Variants in ADCY10 observed in about 807,000 individuals in gnomAD.
ADCY10 encodes the protein adenylate cyclase 10.
In ADCY10, 156 loss-of-function variants were observed where a neutral mutation model predicts 183.3. The ratio of observed to expected loss-of-function variants is 0.85; its 90% confidence interval spans 0.75 to 0.97. ADCY10 has a LOEUF of 0.97. Among genes scored for constraint, ADCY10 ranks in the 50% least tolerant of loss-of-function variants. The pLI, the probability that ADCY10 is intolerant of heterozygous loss-of-function variation, is 0.00. For missense variants in ADCY10, 1,745 were observed against 1,934.3 expected, an observed-to-expected ratio of 0.90 and a Z score of 1.84; for synonymous variants, 645 against 670.0, an observed-to-expected ratio of 0.96 and a Z score of 0.58.
At chr1:167,827,038 C>G (rs1324807420) in intron 26 of ADCY10, among the ~76,000 whole-genome samples, 2 of 152,160 alleles carry the variant, frequency 1.3e-5, no homozygotes, top group African/African-American at 4.8e-5. Flanking sequence ...CCAAAAGGAA[C>G]TAATGTAGAG....
At chr1:167,906,220 G>A (rs934019059) in intron 1 of ADCY10, among the ~76,000 whole-genome samples, 18 of 151,838 alleles carry the variant, frequency 1.2e-4, no homozygotes, top group African/African-American at 4.1e-4. Context: ...ACTTTAAAAT[G>A]TATATAGTAT....
At chr1:167,882,216 G>A (rs528408549) in intron 9 of ADCY10, among the ~76,000 whole-genome samples, 18 of 152,322 alleles carry the variant, frequency 1.2e-4, no homozygotes, top group South Asian at 2.1e-4. Context: ...CAGGTGCAGT[G>A]GCTCATGCCT....
intron 32 of ADCY10, among the ~76,000 whole-genome samples, 195 bp downstream of exon 32, chr1:167,810,530 C>G (rs1662135638): frequency 6.6e-6 from 1 of 152,176 alleles, no homozygotes; most frequent in South Asian, 2.1e-4. Flanking sequence ...CCTCACCAGA[C>G]AGCGAATCTC....
chr1:167,903,526 T>C (rs1256239657), intron 3 of ADCY10, among the ~76,000 whole-genome samples: 2 of 152,288 alleles, frequency 1.3e-5, no homozygotes, highest in East Asian at 3.9e-4. Flanking sequence ...ATTGTGCCAC[T>C]GCACTCCAGC....
chr1:167,848,559 A>T, intron 18 of ADCY10, 70 bp from the exon 19 acceptor site: 1 of 1,571,188 alleles, frequency 6.4e-7, no homozygotes, highest in Non-Finnish European at 8.7e-7. Context: ...TTTCCAATGA[A>T]CTTTGAGATG....
chr1:167,811,284 A>G (rs1251837751), intron 31 of ADCY10, among the ~76,000 whole-genome samples: 2 of 152,234 alleles, frequency 1.3e-5, no homozygotes, highest in African/African-American at 4.8e-5. Flanking sequence ...ACTTGGTCCT[A>G]GAAACAAGTA....
intron 21 of ADCY10, among the ~76,000 whole-genome samples, chr1:167,841,502 C>T (rs1279521372): frequency 7.7e-5 from 7 of 90,896 alleles, no homozygotes; most frequent in African/African-American, 1.3e-4. Context: ...ATATGCTTTC[C>T]TTTTTTTTTT....
chr1:167,888,643 G>A (rs1454243365), intron 8 of ADCY10, among the ~76,000 whole-genome samples: 6 of 152,020 alleles, frequency 3.9e-5, no homozygotes, highest in Non-Finnish European at 5.9e-5. Context: ...TTGGGAGGCC[G>A]AGGCGGGCGG....
At chr1:167,855,213 G>A (rs1461673732) in intron 17 of ADCY10, among the ~76,000 whole-genome samples, 2 of 152,164 alleles carry the variant, frequency 1.3e-5, no homozygotes, top group Non-Finnish European at 2.9e-5. Flanking sequence ...CCAGCTACTC[G>A]GGAGGCTGAG....
intron 15 of ADCY10, among the ~76,000 whole-genome samples, chr1:167,860,543 G>T (rs2102046845): frequency 6.6e-6 from 1 of 152,294 alleles, no homozygotes; most frequent in Non-Finnish European, 1.5e-5. Context: ...GATAATTCAG[G>T]AAAAGACAGG....
chr1:167,823,159 G>T, intron 28 of ADCY10, 36 bp from the exon 29 acceptor site: 1 of 1,577,296 alleles, frequency 6.3e-7, no homozygotes, highest in Non-Finnish European at 8.7e-7. Flanking sequence ...ATTAAAAAGT[G>T]GTGGATATTG....
rs1350582272 is a variant in ADCY10, at chr1:167,861,077, A to C, written c.1617-14T>G. ...ATGGCAATAATCCTGTTTGTGAGAA[A>C]ATCAAGAAACAGAAGAGAGTTTTTA... On this transcript the variant is annotated splice_polypyrimidine_tract_variant and intron_variant, in intron 14 of 32. Coordinates refer to ENST00000367851, the MANE Select transcript of ADCY10 (RefSeq NM_018417.6). The C allele has an allele frequency of 1.2e-6, 2 of 1,609,522 alleles. No individual in the cohort carries two copies. Among genetic ancestry groups the C allele is most frequent in the Non-Finnish European group, 1.7e-6 (2 of 1,175,984 alleles).
chr1:167,911,590 G>C (rs1331532315), intron 1 of ADCY10, among the ~76,000 whole-genome samples: 1 of 152,232 alleles, frequency 6.6e-6, no homozygotes, highest in African/African-American at 2.4e-5. Flanking sequence ...GTGAGGTCCT[G>C]TTCCGGCCAA....
At chr1:167,821,538 C>T (rs1208098177) in intron 30 of ADCY10, among the ~76,000 whole-genome samples, 1 of 152,208 alleles carries the variant, frequency 6.6e-6, no homozygotes, top group East Asian at 1.9e-4. Context: ...GTGAGTAGAC[C>T]TACAGTTTTC....
At chr1:167,853,312 T>C (rs1002306915) in intron 18 of ADCY10, among the ~76,000 whole-genome samples, 5 of 152,122 alleles carry the variant, frequency 3.3e-5, no homozygotes, top group African/African-American at 1.2e-4. Flanking sequence ...TCCTGCTAAA[T>C]ATAGTTAAAA....
chr1:167,809,801 T>C lies in ADCY10; in HGVS notation c.4710A>G (p.Gln1570=), dbSNP rs775469975. 6 of 1,614,174 alleles carry C rather than the reference T, an allele frequency of 3.7e-6. No individual in the cohort carries two copies. In the South Asian group the frequency reaches 6.6e-5, roughly 18 times the overall value. ...GGAGACTCAAGATCGTCTGAAGCCA[T>C]TGGTCTTCTTTTAACTCAGAGGTTG... ...WYSTSELKED[Q]WLQTILSLPS... The change falls in exon 33 of 33, where the codon CAA becomes CAG. Residue 1570 remains glutamine (Q), a synonymous_variant. Coordinates refer to ENST00000367851, the MANE Select transcript of ADCY10 (RefSeq NM_018417.6).
At chr1:167,910,046 C>T (rs1476308956) in intron 1 of ADCY10, among the ~76,000 whole-genome samples, 1 of 152,140 alleles carries the variant, frequency 6.6e-6, no homozygotes, top group Non-Finnish European at 1.5e-5. Context: ...AGCTCTAAGC[C>T]CTTAAAAGGG....
chr1:167,826,296 A>G (rs965176456), intron 26 of ADCY10, among the ~76,000 whole-genome samples: 1 of 152,228 alleles, frequency 6.6e-6, no homozygotes, highest in Non-Finnish European at 1.5e-5. Flanking sequence ...TTGGATTTGG[A>G]CCAAGAGAAT....
chr1:167,843,708 A>C (rs1433001232), intron 21 of ADCY10, among the ~76,000 whole-genome samples: 3 of 152,054 alleles, frequency 2.0e-5, no homozygotes, highest in Admixed American at 1.3e-4. Flanking sequence ...CCTTTCCCAC[A>C]GTCTGGGATG....
Sources: gnomAD v4.1 joint callset for allele counts (sites outside exome capture counted in the v4.1 genomes callset) on GRCh38, gnomAD v4.1.1 for gene constraint, MANE v1.5 for transcripts, NCBI Gene and HGNC (gene_info 2026-07-23, HGNC 2026-07-21) for gene names.